Variants in SRGAP3 observed in about 807,000 individuals in gnomAD.
SRGAP3 encodes SLIT-ROBO Rho GTPase-activating protein 3.
A neutral mutation model predicts 121.1 loss-of-function variants in SRGAP3; 39 were observed. The observed-to-expected ratio is 0.32, with a 90% CI of 0.25 to 0.42. The LOEUF (loss-of-function observed/expected upper bound fraction) is 0.42. SRGAP3 is among the 10% of genes least tolerant of loss of function. The probability of loss-of-function intolerance (pLI) is 1.00; values close to 1 mark genes in which losing one functional copy is unlikely to be tolerated. For missense variants in SRGAP3, 1,213 were observed against 1,470.6 expected (o/e 0.82, Z 2.86); for synonymous variants, 601 against 570.0 (o/e 1.05, Z -0.77).
intron 1 of SRGAP3, among the ~76,000 whole-genome samples, chr3:9,240,074 C>T (rs1370917238): frequency 6.6e-6 from 1 of 152,212 alleles, no homozygotes; most frequent in East Asian, 1.9e-4. Context: ...AGGCCTATTT[C>T]ACACTGTTTA....
intron 10 of SRGAP3, among the ~76,000 whole-genome samples, chr3:9,042,604 C>G (rs1254432474): frequency 6.6e-6 from 1 of 152,138 alleles, no homozygotes; most frequent in Non-Finnish European, 1.5e-5. Context: ...GAATTGGAAC[C>G]AAAGACCAAA....
chr3:9,107,567 C>T (rs1010897832), intron 2 of SRGAP3, among the ~76,000 whole-genome samples: 1 of 152,208 alleles, frequency 6.6e-6, no homozygotes, highest in Non-Finnish European at 1.5e-5. Flanking sequence ...TAGAGAACAC[C>T]CCGTTGACCA....
At chr3:9,042,066 A>C (rs1190731112) in intron 10 of SRGAP3, among the ~76,000 whole-genome samples, 1 of 149,030 alleles carries the variant, frequency 6.7e-6, no homozygotes, top group Non-Finnish European at 1.5e-5. Context: ...GTGCCACTGC[A>C]CTCCAGCCTG....
chr3:9,015,980 C>T (rs985353408), intron 14 of SRGAP3: 3 of 530,108 alleles, frequency 5.7e-6, no homozygotes, highest in South Asian at 2.2e-5. Flanking sequence ...TCGCTTACAA[C>T]TCATCTTGCC....
chr3:9,151,347 A>G (rs943724275), intron 1 of SRGAP3, among the ~76,000 whole-genome samples: 2 of 152,214 alleles, frequency 1.3e-5, no homozygotes, highest in Non-Finnish European at 2.9e-5. Flanking sequence ...GCATGCAGCC[A>G]TCAACAATGT....
At chr3:9,233,410 A>G (rs1258081977) in intron 1 of SRGAP3, among the ~76,000 whole-genome samples, 1 of 152,110 alleles carries the variant, frequency 6.6e-6, no homozygotes, top group East Asian at 1.9e-4. Flanking sequence ...GTGGGTTTCA[A>G]TCTTCTTCAG....
At chr3:9,198,305 G>C (rs977390772) in intron 1 of SRGAP3, among the ~76,000 whole-genome samples, 4 of 152,200 alleles carry the variant, frequency 2.6e-5, no homozygotes, top group African/African-American at 9.7e-5. Context: ...CCTTTTATCT[G>C]TGTTTTATTA....
chr3:9,282,415 C>T (rs973976964), intron 3 of SRGAP3, among the ~76,000 whole-genome samples: 1 of 152,140 alleles, frequency 6.6e-6, no homozygotes, highest in African/African-American at 2.4e-5. Context: ...TCTTTAATGT[C>T]TGGCTTAATA....
At chr3:8,992,613 AAT>A (rs1417970516) in intron 20 of SRGAP3, 2 of 508,320 alleles carry the variant, frequency 3.9e-6, no homozygotes, top group East Asian at 6.8e-5. Flanking sequence ...AGGTAGGAAA[AAT>A]ACTTGCCAAT....
At chr3:9,288,371 G>A (rs68155641) in intron 3 of SRGAP3, among the ~76,000 whole-genome samples, 32,278 of 151,190 alleles carry the variant, frequency 0.21, 3,755 homozygotes, top group African/African-American at 0.3. Context: ...TCCTGATCTC[G>A]GATGATCTGC....
intron 3 of SRGAP3, among the ~76,000 whole-genome samples, chr3:9,265,876 A>C (rs1053156877): frequency 6.6e-6 from 1 of 152,228 alleles, no homozygotes; most frequent in Non-Finnish European, 1.5e-5. Context: ...TACTGGGTAT[A>C]TACCCAAAGG....
chr3:9,011,621 G>A (rs4684617), intron 17 of SRGAP3, among the ~76,000 whole-genome samples: 3,667 of 152,256 alleles, frequency 0.024, 176 homozygotes, highest in Admixed American at 0.12. Flanking sequence ...TCCCTAGATC[G>A]GCTCAGGGAG....
intron 3 of SRGAP3, among the ~76,000 whole-genome samples, chr3:9,299,815 C>T (rs1169104470): frequency 6.6e-6 from 1 of 152,064 alleles, no homozygotes; most frequent in Non-Finnish European, 1.5e-5. Flanking sequence ...GAGGCTGAGG[C>T]AGGAGATTGA....
At chr3:9,131,186 C>T (rs557716560) in intron 1 of SRGAP3, among the ~76,000 whole-genome samples, 1 of 152,174 alleles carries the variant, frequency 6.6e-6, no homozygotes, top group Non-Finnish European at 1.5e-5. Flanking sequence ...TAAAATAAAA[C>T]AGAATTGTTC....
At chr3:9,166,697 T>C (rs1367142222) in intron 1 of SRGAP3, among the ~76,000 whole-genome samples, 1 of 152,166 alleles carries the variant, frequency 6.6e-6, no homozygotes, top group Non-Finnish European at 1.5e-5. Flanking sequence ...CTATTCTAAC[T>C]AACACCTCGT....
intron 5 of SRGAP3, among the ~76,000 whole-genome samples, chr3:9,063,269 C>T (rs1010935410): frequency 7.3e-5 from 11 of 151,522 alleles, no homozygotes; most frequent in Admixed American, 2.0e-4. Context: ...GCTGGGACTA[C>T]AGGCACATGC....
intron 3 of SRGAP3, among the ~76,000 whole-genome samples, chr3:9,315,620 A>T (rs1955331081): frequency 2.0e-5 from 3 of 152,236 alleles, no homozygotes. Context: ...AAACAGTTCA[A>T]TAATAGTCCT....
intron 3 of SRGAP3, among the ~76,000 whole-genome samples, chr3:9,095,017 C>T (rs1947911362): frequency 6.6e-6 from 1 of 152,158 alleles, no homozygotes; most frequent in South Asian, 2.1e-4. Flanking sequence ...CCACCTCAGC[C>T]TCCCGAAGTG....
intron 2 of SRGAP3, among the ~76,000 whole-genome samples, chr3:9,113,448 C>T (rs929336842): frequency 7.2e-5 from 11 of 152,172 alleles, no homozygotes; most frequent in Admixed American, 3.9e-4. Context: ...TGTAAAGATA[C>T]ACACCAGTCA....
Sources: gnomAD v4.1 joint callset for allele counts (sites outside exome capture counted in the v4.1 genomes callset) on GRCh38, gnomAD v4.1.1 for gene constraint, MANE v1.5 for transcripts, NCBI Gene and HGNC (gene_info 2026-07-23, HGNC 2026-07-21) for gene names.